MAF: variants seen among roughly 807,000 people sequenced by gnomAD.
MAF encodes transcription factor Maf.
In MAF, 10 loss-of-function variants were observed where a neutral mutation model predicts 22.0. The observed-to-expected ratio is 0.45, with a 90% CI of 0.28 to 0.77. The LOEUF is 0.77. MAF is among the 30% of genes least tolerant of loss of function. The pLI is 0.12. For missense variants in MAF, 544 were observed against 548.4 expected (o/e 0.99, Z 0.08); for synonymous variants, 337 against 255.8 (o/e 1.32, Z -3.03).
the MAF span, among the ~76,000 whole-genome samples, chr16:79,305,746 A>G: frequency 2.0e-5 from 3 of 152,222 alleles, no homozygotes; most frequent in Non-Finnish European, 2.9e-5. Flanking sequence ...AAGCAGAGAG[A>G]GGAATTTACT....
chr16:79,463,972 A>C, the MAF span, among the ~76,000 whole-genome samples: 8 of 17,530 alleles, frequency 4.6e-4, no homozygotes. Flanking sequence ...TGAGGCTTGC[A>C]AAAAAAAAAA....
the MAF span, among the ~76,000 whole-genome samples, chr16:79,430,271 G>C: frequency 0.011 from 1,625 of 152,338 alleles, 50 homozygotes; most frequent in East Asian, 0.088. Context: ...TGAGCACGTA[G>C]AGCCTGCTCC....
the MAF span, among the ~76,000 whole-genome samples, chr16:79,399,393 T>C: frequency 2.0e-5 from 3 of 152,168 alleles, no homozygotes; most frequent in Non-Finnish European, 4.4e-5. Flanking sequence ...CCTTTGTTAG[T>C]TAAAGATGGT....
At chr16:79,465,546 C>G in the MAF span, among the ~76,000 whole-genome samples, 10,709 of 152,196 alleles carry the variant, frequency 0.07, 446 homozygotes, top group Non-Finnish European at 0.1. Context: ...GAGCCGTGAT[C>G]CCGTGATCGC....
chr16:79,235,416 G>A, the MAF span, among the ~76,000 whole-genome samples: 2 of 151,970 alleles, frequency 1.3e-5, no homozygotes, highest in African/African-American at 4.8e-5. Context: ...AAAAATATTA[G>A]CTGGGCATGG....
chr16:79,301,542 A>G, the MAF span, among the ~76,000 whole-genome samples: 2 of 152,162 alleles, frequency 1.3e-5, no homozygotes, highest in Non-Finnish European at 2.9e-5. Context: ...AGGATGTTTT[A>G]TATGCATTTA....
At chr16:79,361,178 G>A in the MAF span, among the ~76,000 whole-genome samples, 5 of 152,174 alleles carry the variant, frequency 3.3e-5, no homozygotes, top group Non-Finnish European at 7.3e-5. Context: ...GAACTTTTCT[G>A]GTGGAGTTGA....
chr16:79,234,186 G>A, the MAF span, among the ~76,000 whole-genome samples: 4 of 152,020 alleles, frequency 2.6e-5, no homozygotes, highest in Non-Finnish European at 4.4e-5. Context: ...CACACACAGT[G>A]GTTTTTTTTG....
the MAF span, among the ~76,000 whole-genome samples, chr16:79,235,285 T>G: frequency 6.6e-6 from 1 of 151,780 alleles, no homozygotes; most frequent in African/African-American, 2.4e-5. Flanking sequence ...AAAAGAGAAG[T>G]CACACATAGT....
At chr16:79,212,001 G>C in the MAF span, 4 of 1,533,148 alleles carry the variant, frequency 2.6e-6, no homozygotes, top group South Asian at 3.6e-5. Flanking sequence ...TTCTGGGGCT[G>C]GGCTAGGCAT....
At chr16:79,369,889 A>C in the MAF span, among the ~76,000 whole-genome samples, 1 of 152,234 alleles carries the variant, frequency 6.6e-6, no homozygotes, top group African/African-American at 2.4e-5. Flanking sequence ...AAGGGGACTG[A>C]AATTAAACCA....
chr16:79,535,344 C>G, the MAF span, among the ~76,000 whole-genome samples: 1 of 151,316 alleles, frequency 6.6e-6, no homozygotes, highest in South Asian at 2.1e-4. Context: ...GGGGAAGAGA[C>G]CTTAGGCAAT....
the MAF span, among the ~76,000 whole-genome samples, chr16:79,571,067 A>G: frequency 6.6e-6 from 1 of 151,734 alleles, no homozygotes; most frequent in Admixed American, 6.6e-5. Context: ...GGCACTGATG[A>G]CTGTGTAGTT....
At chr16:79,226,723 T>G in the MAF span, among the ~76,000 whole-genome samples, 8 of 152,096 alleles carry the variant, frequency 5.3e-5, no homozygotes, top group Admixed American at 5.2e-4. Flanking sequence ...TGACATTTTT[T>G]TCTTAGGCTC....
chr16:79,380,317 A>T, the MAF span, among the ~76,000 whole-genome samples: 1 of 152,176 alleles, frequency 6.6e-6, no homozygotes, highest in Non-Finnish European at 1.5e-5. Flanking sequence ...ACCTACCTCA[A>T]GGGCAGTTGT....
chr16:79,242,595 A>G, the MAF span, among the ~76,000 whole-genome samples: 2 of 151,930 alleles, frequency 1.3e-5, no homozygotes, highest in African/African-American at 4.8e-5. Context: ...ACTCCCACAC[A>G]CTAATAGTGG....
At chr16:79,210,226 A>T in the MAF span, among the ~76,000 whole-genome samples, 10 of 152,230 alleles carry the variant, frequency 6.6e-5, no homozygotes. Context: ...GACACTGAAG[A>T]AGCTAAAACC....
chr16:79,453,739 G>C, the MAF span, among the ~76,000 whole-genome samples: 1 of 152,184 alleles, frequency 6.6e-6, no homozygotes, highest in Non-Finnish European at 1.5e-5. Flanking sequence ...AGCACCAATA[G>C]AACGTCACTG....
the MAF span, among the ~76,000 whole-genome samples, chr16:79,422,076 C>A: frequency 2.6e-5 from 4 of 152,164 alleles, no homozygotes; most frequent in Non-Finnish European, 5.9e-5. Flanking sequence ...CCACGCCCAG[C>A]CTTGAGTAGT....
Sources: allele counts gnomAD v4.1 joint callset (sites outside exome capture counted in the v4.1 genomes callset), GRCh38; gene constraint gnomAD v4.1.1; transcripts MANE v1.5; gene names NCBI Gene and HGNC (gene_info 2026-07-23, HGNC 2026-07-21).